The following PPARGC1A variants were observed in gnomAD, a reference collection of about 807,000 sequenced individuals.
The protein encoded by PPARGC1A is peroxisome proliferator-activated receptor gamma coactivator 1-alpha.
A neutral mutation model predicts 88.7 loss-of-function variants in PPARGC1A; 25 were observed. The ratio of observed to expected loss-of-function variants is 0.28; its 90% confidence interval spans 0.21 to 0.39. PPARGC1A has a LOEUF of 0.39. Among genes scored for constraint, PPARGC1A ranks in the 10% least tolerant of loss-of-function variants. The pLI is 1.00. For missense variants in PPARGC1A, 880 were observed against 968.7 expected (o/e 0.91, Z 1.22); for synonymous variants, 363 against 355.6 (o/e 1.02, Z -0.24).
chr4:24,227,648 G>A, the PPARGC1A span, among the ~76,000 whole-genome samples: 2 of 152,254 alleles, frequency 1.3e-5, no homozygotes, highest in South Asian at 4.1e-4. Flanking sequence ...TTAATACAGA[G>A]GATTGTTTAT....
intron 2 of PPARGC1A, among the ~76,000 whole-genome samples, chr4:23,857,008 T>C (rs928496322): frequency 6.6e-5 from 10 of 152,206 alleles, no homozygotes; most frequent in African/African-American, 2.4e-4. Context: ...CATTGAACTA[T>C]GTACTTTCCT....
At chr4:24,198,677 T>C in the PPARGC1A span, among the ~76,000 whole-genome samples, 1 of 152,234 alleles carries the variant, frequency 6.6e-6, no homozygotes, top group Non-Finnish European at 1.5e-5. Flanking sequence ...GGCCAGGACA[T>C]GGAAGCAGGA....
At chr4:24,126,267 C>CCACACACACA in the PPARGC1A span, among the ~76,000 whole-genome samples, 3,762 of 146,458 alleles carry the variant, frequency 0.026, 63 homozygotes, top group African/African-American at 0.05. Context: ...TGGCTTCTCA[C>CCACACACACA]CACACACACA....
intron 10 of PPARGC1A, among the ~76,000 whole-genome samples, chr4:23,803,787 A>G (rs1476939831): frequency 6.6e-6 from 1 of 152,244 alleles, no homozygotes; most frequent in Non-Finnish European, 1.5e-5. Flanking sequence ...ACTGAGGTAC[A>G]GACTTAGCTT....
the PPARGC1A span, among the ~76,000 whole-genome samples, chr4:24,396,085 C>G: frequency 2.0e-5 from 3 of 151,982 alleles, no homozygotes; most frequent in Admixed American, 1.3e-4. Flanking sequence ...TTACTGATCC[C>G]ACATCTCCTG....
the PPARGC1A span, among the ~76,000 whole-genome samples, chr4:24,436,959 C>T: frequency 9.9e-5 from 15 of 151,846 alleles, no homozygotes; most frequent in Admixed American, 2.6e-4. Context: ...GAGTGTCTGG[C>T]GGGCTGGCTC....
Position 23,851,826 on chromosome 4 carries a change from C to T in PPARGC1A, c.235-20075G>A, listed in dbSNP as rs188246376. On this transcript the variant is annotated intron_variant, in intron 2 of 12. Transcript: ENST00000264867. ...AACTTTTGCTGTATGCTGTGTCTTA[C>T]AGAAGCTATTTTAAAACAAGAACAT... Among the ~76,000 whole-genome samples the T allele has an allele frequency of 6.6e-5, 10 of 152,306 alleles. No individual in the cohort carries two copies. In the East Asian group the frequency reaches 1.7e-3, roughly 26 times the overall value.
the PPARGC1A span, among the ~76,000 whole-genome samples, chr4:24,130,039 C>T: frequency 6.6e-6 from 1 of 152,000 alleles, no homozygotes; most frequent in African/African-American, 2.4e-5. Context: ...TGGAGATATA[C>T]CTAATGTTAA....
At chr4:24,438,497 T>C in the PPARGC1A span, among the ~76,000 whole-genome samples, 22 of 152,258 alleles carry the variant, frequency 1.4e-4, no homozygotes, top group African/African-American at 5.1e-4. Flanking sequence ...TTCCCAATAA[T>C]AATATTGCAA....
At chr4:24,128,471 C>A in the PPARGC1A span, among the ~76,000 whole-genome samples, 4 of 151,180 alleles carry the variant, frequency 2.6e-5, no homozygotes, top group African/African-American at 9.8e-5. Flanking sequence ...ATGTCAGTAA[C>A]AGAAAGAACT....
rs1224887894 is a variant in PPARGC1A at position 23,792,280 on chromosome 4, A to ATGTC, written c.*3538_*3541dup. The ATGTC allele has an allele frequency of 6.6e-6, 1 of 152,624 alleles. No homozygotes were observed. Among genetic ancestry groups the ATGTC allele is most frequent in the Non-Finnish European group, 1.5e-5 (1 of 68,046 alleles). The allele number at this position is 152,624 out of a possible 1,614,324, so 9.5% of individuals were successfully genotyped here. On this transcript the variant is annotated 3_prime_UTR_variant, in exon 13 of 13. Coordinates refer to ENST00000264867, the MANE Select transcript of PPARGC1A (RefSeq NM_013261.5). ...AAATCAGCAGTTCACATTATTGAAA[A>ATGTC]TGTCTGTCACATAGGTACAAATTTA... is the stretch of plus-strand genomic sequence containing the variant.
At chr4:24,071,109 CAGCCTCTGT>C in the PPARGC1A span, among the ~76,000 whole-genome samples, 15 of 152,218 alleles carry the variant, frequency 9.9e-5, no homozygotes, top group Admixed American at 3.3e-4. Flanking sequence ...TCAAATTTAT[CAGCCTCTGT>C]TAAAGCTGGT....
chr4:23,998,246 G>A, the PPARGC1A span, among the ~76,000 whole-genome samples: 2 of 152,196 alleles, frequency 1.3e-5, no homozygotes, highest in Non-Finnish European at 2.9e-5. Context: ...TATCCCTTCA[G>A]AGTGGAAAAT....
the PPARGC1A span, among the ~76,000 whole-genome samples, chr4:24,113,205 T>C: frequency 2.0e-5 from 3 of 152,184 alleles, no homozygotes; most frequent in Admixed American, 6.5e-5. Context: ...CACAAAACAA[T>C]TGATATGTAC....
the PPARGC1A span, among the ~76,000 whole-genome samples, chr4:24,131,280 C>T: frequency 6.6e-6 from 1 of 152,136 alleles, no homozygotes; most frequent in Non-Finnish European, 1.5e-5. Context: ...ACTCAAAACA[C>T]AATCTGCTGG....
the PPARGC1A span, among the ~76,000 whole-genome samples, chr4:24,111,737 C>T: frequency 1.3e-5 from 2 of 152,158 alleles, no homozygotes. Flanking sequence ...GGTGGGTTAA[C>T]TCTTTCAAGC....
the PPARGC1A span, among the ~76,000 whole-genome samples, chr4:24,148,623 G>T: frequency 0.015 from 2,267 of 152,276 alleles, 66 homozygotes; most frequent in African/African-American, 0.052. Flanking sequence ...AAAATGTTAT[G>T]AACTAAACAG....
the PPARGC1A span, among the ~76,000 whole-genome samples, chr4:23,982,840 T>C: frequency 0.83 from 126,889 of 152,178 alleles, 53,021 homozygotes; most frequent in Non-Finnish European, 0.84. Flanking sequence ...GCAGTTGATA[T>C]GTAACAGTAC....
chr4:24,300,945 G>C, the PPARGC1A span, among the ~76,000 whole-genome samples: 1 of 151,994 alleles, frequency 6.6e-6, no homozygotes, highest in East Asian at 1.9e-4. Flanking sequence ...TAAAAGCTCA[G>C]ATACTACAGA....
Sources: gnomAD v4.1 joint callset for allele counts (sites outside exome capture counted in the v4.1 genomes callset) on GRCh38, gnomAD v4.1.1 for gene constraint, MANE v1.5 for transcripts, NCBI Gene and HGNC (gene_info 2026-07-23, HGNC 2026-07-21) for gene names.